Variants in EHD3 observed in about 807,000 individuals in gnomAD.
EHD3 encodes EH domain containing 3.
Under a neutral mutation model 43.0 loss-of-function variants are expected in EHD3, and 17 were observed. The observed-to-expected ratio is 0.40, with a 90% CI of 0.27 to 0.59. The LOEUF is 0.59. Ranked by LOEUF, EHD3 falls within the 20% of genes least tolerant of loss-of-function variation. The pLI, the probability that EHD3 is intolerant of heterozygous loss-of-function variation, is 0.49. For missense variants in EHD3, 594 were observed against 705.6 expected (o/e 0.84, Z 1.79); for synonymous variants, 313 against 289.5 (o/e 1.08, Z -0.82).
At chr2:31,261,502 C>G (rs201317612) in intron 4 of EHD3, 47 bp from the exon 5 acceptor site, 3 of 1,600,700 alleles carry the variant, frequency 1.9e-6, no homozygotes, top group African/African-American at 2.7e-5. Flanking sequence ...AGGAAGGGAC[C>G]GTCCAGGGTC....
chr2:31,247,642 A>T (rs1683551526), intron 2 of EHD3, among the ~76,000 whole-genome samples: 2 of 152,148 alleles, frequency 1.3e-5, no homozygotes, highest in African/African-American at 4.8e-5. Flanking sequence ...ATTTCAACAG[A>T]CACCAGGCCC....
At position 31,244,350 on chromosome 2, in the gene EHD3, C is replaced by A. The variant is rs1419383498; in HGVS notation, c.304C>A (p.Gln102Lys). 1 of 1,614,202 alleles carries A rather than the reference C, an allele frequency of 6.2e-7. No homozygotes were observed. The highest frequency in any genetic ancestry group is 1.1e-5 in the South Asian group (1 of 91,082). ...PTTDSFIAVM[Q>K]GDMEGIIPGN... Reference sequence around the variant, plus strand: ...CACAGACTCCTTCATTGCGGTGATGCAGGGAGACATGGAGGGGATCATCCC... The same window carrying A: ...CACAGACTCCTTCATTGCGGTGATGAAGGGAGACATGGAGGGGATCATCCC... Residue 102 changes from glutamine (Q) to lysine (K), a missense_variant, in exon 2 of 6, where the codon CAG becomes AAG. Gln to Lys is a moderately conservative substitution (Grantham distance 53, BLOSUM62 1). Transcript: ENST00000322054.
At chr2:31,243,460 C>CTTTCTTTCTTTCTTTTTTTTTT (rs1553402472) in intron 1 of EHD3, among the ~76,000 whole-genome samples, 1 of 98,464 alleles carries the variant, frequency 1.0e-5, no homozygotes, top group African/African-American at 4.6e-5. Context: ...TTCTTTCTTT[C>CTTTCTTTCTTTCTTTTTTTTTT]TTTTTTTTTT....
At position 31,236,587 on chromosome 2, in the gene EHD3, C is replaced by T. The variant is rs575672970; in HGVS notation, c.227+1739C>T. Among the ~76,000 whole-genome samples, 23 of 152,328 alleles carry T rather than the reference C, an allele frequency of 1.5e-4. No individual in the cohort carries two copies. The South Asian group carries it at 4.6e-3, about 30-fold the overall frequency. On this transcript the variant is annotated intron_variant, in intron 1 of 5. Coordinates refer to ENST00000322054, the MANE Select transcript of EHD3 (RefSeq NM_014600.3). ...TGGCCTCCACTTGGCCCATTCATGC[C>T]TCAGGGGAAGTTCAGGCCATTTGCA...
In EHD3 at chr2:31,249,403, T is replaced by G. The variant is rs1235955542; in HGVS notation, c.437T>G (p.Leu146Arg). Residue 146 changes from leucine to arginine, a missense_variant, in exon 3 of 6, where the codon CTG becomes CGG. Physicochemically the swap from Leu to Arg is moderately radical, Grantham distance 102. This residue lies in a region of EHD3 where 243 missense variants were observed against 296.7 expected (regional missense o/e 0.82). Coordinates refer to ENST00000322054, the MANE Select transcript of EHD3 (RefSeq NM_014600.3). The part of the protein sequence containing the change: ...FVCAQLPNPV[L>R]ESISVIDTPG... ...TGTGCCCAGCTACCTAACCCTGTGCTGGAGAGCATCAGCGTCATCGACACA... is the reference window on the plus strand; with the variant it reads ...TGTGCCCAGCTACCTAACCCTGTGCGGGAGAGCATCAGCGTCATCGACACA... 10 of 1,614,152 alleles carry G rather than the reference T, an allele frequency of 6.2e-6. No homozygotes were observed. The highest frequency in any genetic ancestry group is 8.5e-6 in the Non-Finnish European group (10 of 1,179,986).
intron 1 of EHD3, among the ~76,000 whole-genome samples, chr2:31,241,315 G>A (rs112061897): frequency 2.6e-5 from 4 of 152,250 alleles, no homozygotes; most frequent in African/African-American, 9.6e-5. Flanking sequence ...GCATTTCCTG[G>A]TCAAGGCAGG....
chr2:31,260,500 C>G lies in EHD3; in HGVS notation c.503-10C>G. 10 of 1,583,722 alleles carry G rather than the reference C, an allele frequency of 6.3e-6. No individual in the cohort carries two copies. Among genetic ancestry groups the G allele is most frequent in the Non-Finnish European group, 8.6e-6 (10 of 1,161,244 alleles). On this transcript the variant is annotated splice_polypyrimidine_tract_variant and intron_variant, in intron 3 of 5. Coordinates refer to ENST00000322054, the MANE Select transcript of EHD3 (RefSeq NM_014600.3). This position sits in a 1 kb window ranked among gnomAD's most constrained non-coding sequence, Gnocchi z 4.6. ...AAGGCCCCAGCCCCTGATTGTCCCT[C>G]TGCCGGCAGGGTATGACTTTGCAGC...
intron 3 of EHD3, among the ~76,000 whole-genome samples, chr2:31,256,790 C>T (rs1284826436): frequency 1.3e-5 from 2 of 152,226 alleles, no homozygotes. Flanking sequence ...TCTCTGGTGT[C>T]TTTGTTTTCC....
chr2:31,234,608 G>A lies in EHD3; in HGVS notation c.-14G>A. On this transcript the variant is annotated 5_prime_UTR_variant, in exon 1 of 6. Coordinates refer to ENST00000322054, the MANE Select transcript of EHD3 (RefSeq NM_014600.3). Reference sequence around the variant, plus strand: ...TCCCCTGGGGCTGCGTGCCGGGGGCGAGCGGCGGCCGCGATGTTCAGCTGG... The same window carrying A: ...TCCCCTGGGGCTGCGTGCCGGGGGCAAGCGGCGGCCGCGATGTTCAGCTGG... 6.2e-7 allele frequency: 1 copy of A among 1,612,794 alleles called. No homozygotes were observed.
At position 31,249,375 on chromosome 2, in the gene EHD3, G is replaced by T. The variant is rs762969344; in HGVS notation, c.409G>T (p.Val137Leu). 1 of 1,614,030 alleles carries T rather than the reference G, an allele frequency of 6.2e-7. No individual in the cohort carries two copies. ...AFGNAFLNRF[V>L]CAQLPNPVLE... Reference sequence around the variant, plus strand: ...AGGTTACCTCTGCCCATGCAGGTTCGTGTGTGCCCAGCTACCTAACCCTGT... The same window carrying T: ...AGGTTACCTCTGCCCATGCAGGTTCTTGTGTGCCCAGCTACCTAACCCTGT... Residue 137 changes from valine to leucine, a missense_variant, in exon 3 of 6, where the codon GTG becomes TTG. By Grantham distance (32) the Val-to-Leu change is conservative (BLOSUM62 1). Coordinates refer to ENST00000322054, the MANE Select transcript of EHD3 (RefSeq NM_014600.3).
intron 3 of EHD3, among the ~76,000 whole-genome samples, chr2:31,257,913 C>G (rs571842511): frequency 6.6e-6 from 1 of 152,290 alleles, no homozygotes; most frequent in African/African-American, 2.4e-5. Flanking sequence ...CCATCAGGAA[C>G]TATCCTCAGG....
chr2:31,247,054 G>T (rs1373224502), intron 2 of EHD3, among the ~76,000 whole-genome samples: 1 of 152,102 alleles, frequency 6.6e-6, no homozygotes, highest in South Asian at 2.1e-4. Flanking sequence ...GCGCCACCAC[G>T]CCTGGCTAAT....
chr2:31,259,085 G>A (rs1356872762), intron 3 of EHD3, among the ~76,000 whole-genome samples: 1 of 152,152 alleles, frequency 6.6e-6, no homozygotes, highest in Admixed American at 6.5e-5. Context: ...GTGGCAATGA[G>A]CTTTGGGTCC....
intron 1 of EHD3, among the ~76,000 whole-genome samples, chr2:31,240,037 C>A (rs577462726): frequency 6.6e-5 from 10 of 152,286 alleles, no homozygotes; most frequent in Middle Eastern, 6.8e-3. Context: ...GTGCTGGAAT[C>A]CCTTCATCAC....
intron 1 of EHD3, among the ~76,000 whole-genome samples, chr2:31,239,252 A>G (rs1410782490): frequency 6.6e-6 from 1 of 152,150 alleles, no homozygotes; most frequent in Non-Finnish European, 1.5e-5. Context: ...CTCACTGCAA[A>G]GTCCATCCTG....
intron 1 of EHD3, among the ~76,000 whole-genome samples, chr2:31,244,018 C>A (rs1015364286): frequency 1.2e-4 from 18 of 152,228 alleles, no homozygotes; most frequent in African/African-American, 4.3e-4. Context: ...TACCCCCGCC[C>A]ACCAGCCCCC....
At position 31,248,892 on chromosome 2, in the gene EHD3, C is replaced by T. The variant is rs1683580260; in HGVS notation, c.405-479C>T. Among the ~76,000 whole-genome samples the T allele has an allele frequency of 3.3e-5, 5 of 152,278 alleles. 1 individual carries two copies. The South Asian group carries it at 8.3e-4, about 25-fold the overall frequency. On this transcript the variant is annotated intron_variant, in intron 2 of 5. Coordinates refer to ENST00000322054, the MANE Select transcript of EHD3 (RefSeq NM_014600.3). The stretch of plus-strand genomic sequence containing the variant: ...GGACAGACCCTTGAAGTCCCTCCTG[C>T]CCCGCTAGTCCCTAGGGGCTCATTT...
intron 5 of EHD3, among the ~76,000 whole-genome samples, chr2:31,264,468 C>T (rs1335503424): frequency 6.6e-6 from 1 of 150,432 alleles, no homozygotes; most frequent in Non-Finnish European, 1.5e-5. Flanking sequence ...ACTTAGGCTA[C>T]ACTATATTTA....
chr2:31,243,447 TCTTTCTTTCTTTC>T (rs1558647330), intron 1 of EHD3, among the ~76,000 whole-genome samples: 3 of 90,904 alleles, frequency 3.3e-5, no homozygotes, highest in African/African-American at 9.4e-5. Context: ...TTTCTTTCTT[TCTTTCTTTCTTTC>T]TTTTTTTTTT....
Sources: gnomAD v4.1 joint callset for allele counts (sites outside exome capture counted in the v4.1 genomes callset) on GRCh38, gnomAD v4.1.1 for gene constraint, gnomAD v4.1.1 regional missense constraint, Gnocchi (gnomAD v3.1) non-coding constraint, MANE v1.5 for transcripts, NCBI Gene and HGNC (gene_info 2026-07-23, HGNC 2026-07-21) for gene names.